JMJD7: variants seen among roughly 807,000 people sequenced by gnomAD.
The protein encoded by JMJD7 is jumonji domain containing 7.
In JMJD7, 41 loss-of-function variants were observed where a neutral mutation model predicts 41.1. The observed-to-expected ratio is 1.00, with a 90% CI of 0.78 to 1.30. The LOEUF is 1.30. Among genes scored for constraint, JMJD7 ranks in the 50% most tolerant of loss-of-function variants. JMJD7 has a pLI of 0.00. For synonymous variants in JMJD7, 202 were observed against 177.2 expected (o/e 1.14, Z -1.11); for missense variants, 480 against 420.7 (o/e 1.14, Z -1.23).
chr15:41,830,112 G>A (rs1456220744), intron 1 of JMJD7, among the ~76,000 whole-genome samples: 2 of 152,112 alleles, frequency 1.3e-5, no homozygotes, highest in Non-Finnish European at 2.9e-5. Context: ...GCAGCCGACT[G>A]CACCACCCCC....
chr15:41,833,978 G>A (rs1251628151), intron 1 of JMJD7, among the ~76,000 whole-genome samples: 1 of 152,122 alleles, frequency 6.6e-6, no homozygotes, highest in African/African-American at 2.4e-5. Context: ...GTAGGATGAC[G>A]GGAGTGAAGG....
Position 41,835,126 on chromosome 15 carries a change from CCT to C in JMJD7, c.378_379del (p.Tyr127CysfsTer18). On this transcript the variant is annotated frameshift_variant, in exon 3 of 8. Coordinates refer to ENST00000397299, the MANE Select transcript of JMJD7 (RefSeq NM_001114632.2). LOFTEE classifies it high-confidence loss of function. ...LEGRAQHPGV[L>X]YVQKQCSNLP... ...AGGGCCGGGCCCAGCACCCTGGAGT[CCT>C]CTATGTGCAGAAGCAGTGCTCCAAC... The C allele has an allele frequency of 1.2e-6, 2 of 1,610,758 alleles. No individual in the cohort carries two copies. Among genetic ancestry groups the C allele is most frequent in the African/African-American group, 1.3e-5 (1 of 75,056 alleles).
chr15:41,835,785 A>G (rs528523010), intron 4 of JMJD7, 141 bp downstream of exon 4: 5 of 1,058,826 alleles, frequency 4.7e-6, no homozygotes, highest in East Asian at 2.7e-5. Context: ...GGACTCGGGC[A>G]CCACAGAGGG....
chr15:41,828,933 G>A (rs2065185601), intron 1 of JMJD7, among the ~76,000 whole-genome samples: 1 of 152,176 alleles, frequency 6.6e-6, no homozygotes. Flanking sequence ...GTGTGCTAGT[G>A]CTGTATTCAC....
chr15:41,836,542 C>T lies in JMJD7; in HGVS notation c.693C>T (p.Ala231=), dbSNP rs2065320384. 1.9e-6 allele frequency: 3 copies of T among 1,584,942 alleles called. No individual in the cohort carries two copies. The highest frequency in any genetic ancestry group is 2.6e-6 in the Non-Finnish European group (3 of 1,165,084). The change falls in exon 6 of 8, where the codon GCC becomes GCT. Residue 231 remains alanine (A), a synonymous_variant. Coordinates refer to ENST00000397299, the MANE Select transcript of JMJD7 (RefSeq NM_001114632.2). ...CCTTTAAGGTGGTGGATGAAGAGGC[C>T]ATGGAGAAGGTGTCTGTCCTGTTCT... is the stretch of plus-strand genomic sequence containing the variant. ...EGTFKVVDEE[A]MEKVPWIPLD...
intron 1 of JMJD7, 46 bp downstream of exon 1, chr15:41,828,234 G>T: frequency 6.7e-7 from 1 of 1,485,310 alleles, no homozygotes. Flanking sequence ...AACACGGGAG[G>T]GGCCCTGGGA....
chr15:41,828,413 GT>G, intron 1 of JMJD7: 1 of 465,220 alleles, frequency 2.1e-6, no homozygotes, highest in Non-Finnish European at 3.6e-6. Flanking sequence ...CGTCTTGACC[GT>G]GGTCGCGGCG....
At chr15:41,828,754 G>A (rs1273260816) in intron 1 of JMJD7, among the ~76,000 whole-genome samples, 2 of 152,066 alleles carry the variant, frequency 1.3e-5, no homozygotes, top group African/African-American at 4.8e-5. Flanking sequence ...ATGAAGCAAG[G>A]TTTCCTCCCA....
intron 1 of JMJD7, among the ~76,000 whole-genome samples, chr15:41,829,752 A>G (rs2065201470): frequency 6.6e-6 from 1 of 152,210 alleles, no homozygotes. Flanking sequence ...CAAAGGGTGA[A>G]AAAATGGCAG....
Position 41,835,386 on chromosome 15 carries a change from T to G in JMJD7, c.472+163T>G, listed in dbSNP as rs1447891746. 2.0e-5 allele frequency among the ~76,000 whole-genome samples: 3 copies of G among 152,186 alleles called. No individual in the cohort carries two copies. In the East Asian group the frequency reaches 5.8e-4, roughly 29 times the overall value. On this transcript the variant is annotated intron_variant, in intron 3 of 7. Coordinates refer to ENST00000397299, the MANE Select transcript of JMJD7 (RefSeq NM_001114632.2). ...TCCCAGGCCTTGACTTAATCATAGA[T>G]GAATTGCCAAAGATTGTTGTCCTTC...
chr15:41,836,413 G>A, intron 5 of JMJD7, 62 bp from the exon 6 acceptor site: 1 of 1,557,730 alleles, frequency 6.4e-7, no homozygotes. Context: ...TGGGGTGGAG[G>A]AGGGTCTGGC....
At chr15:41,829,623 C>G (rs1465277158) in intron 1 of JMJD7, among the ~76,000 whole-genome samples, 1 of 152,184 alleles carries the variant, frequency 6.6e-6, no homozygotes, top group East Asian at 1.9e-4. Flanking sequence ...GTTATGGGGT[C>G]AAAGCAATTG....
chr15:41,836,370 C>G (rs2303516), intron 5 of JMJD7, 105 bp from the exon 6 acceptor site: 506,251 of 1,547,520 alleles, frequency 0.33, 86,139 homozygotes, highest in Admixed American at 0.38. Flanking sequence ...TGCACCAGGG[C>G]CCCTGATCCC....
chr15:41,834,356 C>T lies in JMJD7; in HGVS notation c.65-384C>T, dbSNP rs536720687. On this transcript the variant is annotated intron_variant, in intron 1 of 7. Transcript: ENST00000397299. ...CCCAGAATAGCCCGTGGCCATGGGG[C>T]CTCAGCCTTACTCATTCTGGAGCTC... Among the ~76,000 whole-genome samples, 74 of 152,364 alleles carry T rather than the reference C, an allele frequency of 4.9e-4. No homozygotes were observed. The South Asian group carries it at 0.012, about 24-fold the overall frequency.
intron 1 of JMJD7, among the ~76,000 whole-genome samples, chr15:41,833,109 G>T (rs562743812): frequency 6.6e-6 from 1 of 152,124 alleles, no homozygotes. Context: ...GTGACAATAT[G>T]AGATTGTATT....
chr15:41,829,573 C>T (rs2065197689), intron 1 of JMJD7, among the ~76,000 whole-genome samples: 1 of 152,220 alleles, frequency 6.6e-6, no homozygotes, highest in African/African-American at 2.4e-5. Context: ...CCATGGAACA[C>T]ATAAGCCACT....
intron 1 of JMJD7, chr15:41,829,086 C>T (rs1364740168): frequency 6.6e-6 from 1 of 152,234 alleles, no homozygotes; most frequent in Non-Finnish European, 1.5e-5. Flanking sequence ...CTGAACAAAA[C>T]AAATCTGTCT....
chr15:41,837,386 G>A lies in JMJD7; in HGVS notation c.*230G>A. The stretch of plus-strand genomic sequence containing the variant: ...AAGTTGCCACACAGGTGAGCAGAGT[G>A]GGGATCAGGTGCAGCGGCACCTCTC... On this transcript the variant is annotated 3_prime_UTR_variant, in exon 8 of 8. Coordinates refer to ENST00000397299, the MANE Select transcript of JMJD7 (RefSeq NM_001114632.2). 1 of 566,672 alleles carries A rather than the reference G, an allele frequency of 1.8e-6. No homozygotes were observed. The highest frequency in any genetic ancestry group is 1.9e-5 in the African/African-American group (1 of 53,292). The allele number at this position is 566,672 out of a possible 1,614,324, so 35.1% of individuals were successfully genotyped here.
rs201431619 is a variant in JMJD7, at chr15:41,833,411, TATA to T, written c.65-1328_65-1326del. The stretch of plus-strand genomic sequence containing the variant: ...TGAAATACATATATATATATATATA[TATA>T]TTTTTTTTTTTTTTTTTTTTTTTTG... On this transcript the variant is annotated intron_variant, in intron 1 of 7. Coordinates refer to ENST00000397299, the MANE Select transcript of JMJD7 (RefSeq NM_001114632.2). Among the ~76,000 whole-genome samples the T allele has an allele frequency of 3.7e-3, 209 of 56,342 alleles. 4 individuals carry two copies. Among genetic ancestry groups the T allele is most frequent in the African/African-American group, 0.012 (205 of 17,058 alleles). 37.0% of individuals were successfully genotyped at this position (56,342 alleles called of 152,430 possible). A position where few individuals can be genotyped will look rare whatever the true frequency, so the allele number is the denominator to read the frequency against.
Sources: allele counts gnomAD v4.1 joint callset (sites outside exome capture counted in the v4.1 genomes callset), GRCh38; gene constraint gnomAD v4.1.1; transcripts MANE v1.5; gene names NCBI Gene and HGNC (gene_info 2026-07-23, HGNC 2026-07-21).